ROBO2: variants seen among roughly 807,000 people sequenced by gnomAD.
ROBO2 encodes roundabout guidance receptor 2.
Under a neutral mutation model 160.8 loss-of-function variants are expected in ROBO2, and 53 were observed. The observed-to-expected ratio is 0.33, with a 90% confidence interval of 0.26 to 0.41. The LOEUF is 0.41. Among genes scored for constraint, ROBO2 ranks in the 10% least tolerant of loss-of-function variants. ROBO2 has a pLI of 1.00. For synonymous variants in ROBO2, 664 were observed against 611.7 expected (o/e 1.09, Z -1.26); for missense variants, 1,577 against 1,722.4 (o/e 0.92, Z 1.49).
intron 7 of ROBO2, among the ~76,000 whole-genome samples, chr3:77,547,231 G>C (rs1582865122): frequency 6.6e-6 from 1 of 151,974 alleles, no homozygotes; most frequent in South Asian, 2.1e-4. Flanking sequence ...GAAATTTCCA[G>C]GTAAAACTAG....
intron 2 of ROBO2, among the ~76,000 whole-genome samples, chr3:76,300,076 G>T (rs1486594727): frequency 6.6e-6 from 1 of 152,036 alleles, no homozygotes; most frequent in Non-Finnish European, 1.5e-5. Flanking sequence ...AAGTCCAGGT[G>T]GGTTTGAGTG....
intron 2 of ROBO2, among the ~76,000 whole-genome samples, chr3:76,028,288 C>T (rs2066808525): frequency 6.6e-6 from 1 of 151,760 alleles, no homozygotes; most frequent in South Asian, 2.1e-4. Flanking sequence ...GTAAACTAGG[C>T]CCTCTTCCAT....
chr3:76,980,372 T>C (rs997433493), intron 2 of ROBO2, among the ~76,000 whole-genome samples: 5 of 152,182 alleles, frequency 3.3e-5, no homozygotes, highest in Non-Finnish European at 7.4e-5. Context: ...AGCTACTGTA[T>C]GGTATCAGGG....
At chr3:76,199,213 A>G (rs373978856) in intron 2 of ROBO2, among the ~76,000 whole-genome samples, 1 of 152,030 alleles carries the variant, frequency 6.6e-6, no homozygotes, top group African/African-American at 2.4e-5. Flanking sequence ...TGAGATTCCT[A>G]TTTGTACCAT....
chr3:76,585,774 C>A (rs2085996313), intron 2 of ROBO2, among the ~76,000 whole-genome samples: 1 of 152,092 alleles, frequency 6.6e-6, no homozygotes, highest in Non-Finnish European at 1.5e-5. Flanking sequence ...TCCACATGAG[C>A]TTATTGTTAT....
At chr3:76,396,341 C>T (rs1213072485) in intron 2 of ROBO2, among the ~76,000 whole-genome samples, 4 of 152,072 alleles carry the variant, frequency 2.6e-5, no homozygotes, top group Non-Finnish European at 5.9e-5. Context: ...TAAGAGCTAT[C>T]TATGACAAAC....
At chr3:76,984,102 G>T (rs918982716) in intron 2 of ROBO2, among the ~76,000 whole-genome samples, 3 of 152,060 alleles carry the variant, frequency 2.0e-5, no homozygotes. Flanking sequence ...ACAGCATGGG[G>T]GAAACCGCCC....
chr3:77,212,759 G>A (rs1184928210), intron 2 of ROBO2, among the ~76,000 whole-genome samples: 2 of 152,038 alleles, frequency 1.3e-5, no homozygotes, highest in African/African-American at 2.4e-5. Context: ...ATCAATACCT[G>A]ATTTATTGAG....
chr3:76,465,410 T>G (rs898106273), intron 2 of ROBO2, among the ~76,000 whole-genome samples: 1 of 152,084 alleles, frequency 6.6e-6, no homozygotes, highest in Non-Finnish European at 1.5e-5. Context: ...TGAAATCAAT[T>G]GGGATCTGGG....
At chr3:76,493,337 T>TTATATATATATATATATATATATA (rs57835432) in intron 2 of ROBO2, among the ~76,000 whole-genome samples, 1,055 of 104,420 alleles carry the variant, frequency 0.01, 21 homozygotes, top group Non-Finnish European at 0.015. Flanking sequence ...AGACAAAAAA[T>TTATATATATATATATATATATATA]TATATATATA....
At chr3:77,097,247 C>G (rs1007237433) in intron 1 of ROBO2, among the ~76,000 whole-genome samples, 3 of 152,122 alleles carry the variant, frequency 2.0e-5, no homozygotes, top group African/African-American at 7.2e-5. Flanking sequence ...TGGCATGATG[C>G]TTTTTTCTTT....
At chr3:76,007,388 C>A (rs1270474359) in intron 2 of ROBO2, among the ~76,000 whole-genome samples, 2 of 152,102 alleles carry the variant, frequency 1.3e-5, no homozygotes, top group Non-Finnish European at 2.9e-5. Context: ...CTTTCAGTTA[C>A]ACATGGATAT....
chr3:76,880,163 C>T (rs1243422912), intron 2 of ROBO2, among the ~76,000 whole-genome samples: 2 of 152,024 alleles, frequency 1.3e-5, no homozygotes, highest in African/African-American at 4.8e-5. Context: ...CCTTTAATGT[C>T]TCCCTTTTTC....
At chr3:77,096,387 A>G (rs1045185293) in intron 1 of ROBO2, among the ~76,000 whole-genome samples, 3 of 152,092 alleles carry the variant, frequency 2.0e-5, no homozygotes, top group Admixed American at 2.0e-4. Flanking sequence ...ATAACACATT[A>G]TGCAAAAATT....
At chr3:76,841,015 T>A (rs1467100853) in intron 2 of ROBO2, among the ~76,000 whole-genome samples, 1 of 152,152 alleles carries the variant, frequency 6.6e-6, no homozygotes, top group African/African-American at 2.4e-5. Context: ...CTCCTGCTAT[T>A]GTACTACTGT....
chr3:77,167,420 T>G (rs919605600), intron 2 of ROBO2, among the ~76,000 whole-genome samples: 3 of 152,184 alleles, frequency 2.0e-5, no homozygotes, highest in Admixed American at 6.5e-5. Context: ...AAACATCTTT[T>G]GAAGACCTAG....
intron 2 of ROBO2, among the ~76,000 whole-genome samples, chr3:77,271,821 A>G (rs1194636457): frequency 6.6e-6 from 1 of 152,184 alleles, no homozygotes; most frequent in African/African-American, 2.4e-5. Flanking sequence ...TAGTTTCATC[A>G]TTTCAAGGAT....
chr3:76,924,825 T>C (rs1411084765), intron 2 of ROBO2, among the ~76,000 whole-genome samples: 1 of 152,224 alleles, frequency 6.6e-6, no homozygotes. Flanking sequence ...TTTTTAAATC[T>C]GTGAAATGAT....
intron 2 of ROBO2, among the ~76,000 whole-genome samples, chr3:76,985,591 A>AG (rs2060333571): frequency 6.7e-6 from 1 of 149,390 alleles, no homozygotes; most frequent in Non-Finnish European, 1.5e-5. Context: ...AAAAAAAAAA[A>AG]AAAAAAAAAA....
Sources: allele counts gnomAD v4.1 joint callset (sites outside exome capture counted in the v4.1 genomes callset), GRCh38; gene constraint gnomAD v4.1.1; transcripts MANE v1.5; gene names NCBI Gene and HGNC (gene_info 2026-07-23, HGNC 2026-07-21).